Variants in FNDC3B observed in about 807,000 individuals in gnomAD.
FNDC3B encodes the protein fibronectin type III domain containing 3B, also known as fibronectin type III domain-containing protein 3B.
FNDC3B carries 12 observed loss-of-function variants against 151.5 expected under a neutral mutation model. The observed-to-expected ratio is 0.08, with a 90% CI of 0.05 to 0.13. The LOEUF (loss-of-function observed/expected upper bound fraction) is 0.13. Among genes scored for constraint, FNDC3B ranks in the 10% least tolerant of loss-of-function variants. FNDC3B has a pLI of 1.00. For synonymous variants in FNDC3B, 528 were observed against 549.0 expected (o/e 0.96, Z 0.54); for missense variants, 1,214 against 1,505.3 (o/e 0.81, Z 3.20).
intron 1 of FNDC3B, among the ~76,000 whole-genome samples, chr3:172,096,661 G>C (rs1719103566): frequency 6.6e-6 from 1 of 151,840 alleles, no homozygotes. Flanking sequence ...ATAATCTGTA[G>C]CCCCTTACTG....
At chr3:172,065,607 G>A (rs1717458758) in intron 1 of FNDC3B, among the ~76,000 whole-genome samples, 1 of 152,220 alleles carries the variant, frequency 6.6e-6, no homozygotes, top group Admixed American at 6.5e-5. Context: ...ACTCCAGGGA[G>A]CATTGAATAG....
intron 3 of FNDC3B, among the ~76,000 whole-genome samples, chr3:172,137,773 A>G (rs952651193): frequency 4.6e-5 from 7 of 152,240 alleles, no homozygotes; most frequent in Non-Finnish European, 8.8e-5. Context: ...TTTCCCATGA[A>G]ACATGAATCA....
At chr3:172,162,469 G>A (rs1481477863) in intron 3 of FNDC3B, among the ~76,000 whole-genome samples, 2 of 152,068 alleles carry the variant, frequency 1.3e-5, no homozygotes. Context: ...GTTTTTGGGT[G>A]AATATATATT....
intron 6 of FNDC3B, among the ~76,000 whole-genome samples, chr3:172,261,637 A>G (rs1207343177): frequency 6.6e-6 from 1 of 152,210 alleles, no homozygotes; most frequent in African/African-American, 2.4e-5. Flanking sequence ...AGTAGATAAC[A>G]CAAGTGTGAT....
chr3:172,385,628 G>T (rs1005217755), intron 25 of FNDC3B, among the ~76,000 whole-genome samples: 1 of 150,222 alleles, frequency 6.7e-6, no homozygotes, highest in African/African-American at 2.5e-5. Flanking sequence ...GCGTGATCTC[G>T]GCTCACTGCA....
intron 23 of FNDC3B, 144 bp from the exon 24 acceptor site, chr3:172,378,126 G>A (rs1297118015): frequency 2.4e-5 from 14 of 595,048 alleles, no homozygotes; most frequent in Non-Finnish European, 3.7e-5. Context: ...TAACCCTAAT[G>A]TAGCAACTGG....
intron 3 of FNDC3B, among the ~76,000 whole-genome samples, chr3:172,147,335 G>A (rs1418275081): frequency 1.3e-5 from 2 of 151,060 alleles, no homozygotes; most frequent in Middle Eastern, 3.4e-3. Flanking sequence ...AGTGAGGTGA[G>A]AAAATAACCA....
chr3:172,229,075 A>G (rs1726741660), intron 4 of FNDC3B, among the ~76,000 whole-genome samples: 1 of 136,426 alleles, frequency 7.3e-6, no homozygotes, highest in Non-Finnish European at 1.5e-5. Context: ...GCAGTTGTAG[A>G]AAGAAAGAAA....
At chr3:172,062,983 ATGATCT>A (rs1291014748) in intron 1 of FNDC3B, among the ~76,000 whole-genome samples, 1 of 152,206 alleles carries the variant, frequency 6.6e-6, no homozygotes, top group Non-Finnish European at 1.5e-5. Context: ...AAATTGGTGT[ATGATCT>A]AATGCTACAA....
At chr3:172,063,973 C>T (rs549996778) in intron 1 of FNDC3B, among the ~76,000 whole-genome samples, 2 of 152,122 alleles carry the variant, frequency 1.3e-5, no homozygotes, top group South Asian at 2.1e-4. Flanking sequence ...ATGGCATTCA[C>T]GCCCTTATAA....
At chr3:172,185,486 A>C (rs9683219) in intron 3 of FNDC3B, among the ~76,000 whole-genome samples, 124,899 of 152,166 alleles carry the variant, frequency 0.82, 51,891 homozygotes, top group African/African-American at 0.95. Context: ...ACTGGGGAAG[A>C]TAGAGACATT....
intron 3 of FNDC3B, among the ~76,000 whole-genome samples, chr3:172,143,381 TA>T (rs1404743729): frequency 2.0e-5 from 3 of 152,168 alleles, no homozygotes; most frequent in Non-Finnish European, 2.9e-5. Context: ...TTAATAACTT[TA>T]TTTTGGGGGA....
chr3:172,347,332 C>T lies in FNDC3B; in HGVS notation c.2485C>T (p.Pro829Ser). Residue 829 changes from proline (P) to serine (S), a missense_variant, in exon 21 of 26, where the codon CCT becomes TCT. This residue lies in a region of FNDC3B where 380 missense variants were observed against 420.9 expected (regional missense o/e 0.90). Coordinates refer to ENST00000415807, the MANE Select transcript of FNDC3B (RefSeq NM_022763.4). ...CCGTTTTGAAATAAGAGACCTGTTG[C>T]CTGCTGCACAGTATTGCTGTAGACT... ...DTRFEIRDLL[P>S]AAQYCCRLQA... 6.2e-7 allele frequency: 1 copy of T among 1,613,952 alleles called. No individual in the cohort carries two copies. The highest frequency in any genetic ancestry group is 2.2e-5 in the East Asian group (1 of 44,868).
chr3:172,282,075 G>A (rs898306825), intron 6 of FNDC3B, among the ~76,000 whole-genome samples: 1 of 152,062 alleles, frequency 6.6e-6, no homozygotes, highest in Non-Finnish European at 1.5e-5. Flanking sequence ...ATAGGCCAAG[G>A]GCTTAGTTAA....
At chr3:172,285,126 G>A (rs545063128) in intron 6 of FNDC3B, among the ~76,000 whole-genome samples, 7 of 151,938 alleles carry the variant, frequency 4.6e-5, no homozygotes, top group South Asian at 2.1e-4. Flanking sequence ...AAAAGGCACC[G>A]TCATCCATCC....
intron 1 of FNDC3B, among the ~76,000 whole-genome samples, chr3:172,059,710 A>G (rs1364469290): frequency 6.6e-6 from 1 of 152,188 alleles, no homozygotes; most frequent in Non-Finnish European, 1.5e-5. Flanking sequence ...TGCCATGGAA[A>G]AGTAATCATG....
At position 172,362,817 on chromosome 3, in the gene FNDC3B, A is replaced by T; in HGVS notation, c.2980A>T (p.Thr994Ser). Residue 994 changes from threonine to serine, a missense_variant, in exon 23 of 26, where the codon ACA becomes TCA. Thr to Ser is a moderately conservative substitution (Grantham distance 58). Transcript: ENST00000415807. Reference protein sequence around the residue: ...KTHAAEDIVYTLQLEDRNKRF... With the variant: ...KTHAAEDIVYSLQLEDRNKRF... Reference sequence around the variant, plus strand: ...ACATGCTGCTGAGGACATTGTGTACACACTACAGCTGGAGGACAGAAACAA... The same window carrying T: ...ACATGCTGCTGAGGACATTGTGTACTCACTACAGCTGGAGGACAGAAACAA... 6.2e-7 allele frequency: 1 copy of T among 1,613,914 alleles called. No homozygotes were observed. Among genetic ancestry groups the T allele is most frequent in the South Asian group, 1.1e-5 (1 of 91,066 alleles).
intron 1 of FNDC3B, among the ~76,000 whole-genome samples, chr3:172,050,733 G>A (rs63248661): frequency 0.017 from 2,407 of 137,918 alleles, 72 homozygotes; most frequent in African/African-American, 0.058. Context: ...GTGTGTGTGT[G>A]TATAGTGTGT....
chr3:172,235,444 TG>T (rs1727103440), intron 4 of FNDC3B, among the ~76,000 whole-genome samples: 1 of 152,200 alleles, frequency 6.6e-6, no homozygotes, highest in Admixed American at 6.5e-5. Context: ...TCTGTGTACC[TG>T]GTTAAGGCTC....
Sources: gnomAD v4.1 joint callset for allele counts (sites outside exome capture counted in the v4.1 genomes callset) on GRCh38, gnomAD v4.1.1 for gene constraint, gnomAD v4.1.1 regional missense constraint, MANE v1.5 for transcripts, NCBI Gene and HGNC (gene_info 2026-07-23, HGNC 2026-07-21) for gene names.